CDH18: variants seen among roughly 807,000 people sequenced by gnomAD.
The protein encoded by CDH18 is cadherin-18.
A neutral mutation model predicts 67.9 loss-of-function variants in CDH18; 31 were observed. The observed-to-expected ratio is 0.46, with a 90% CI of 0.34 to 0.62. CDH18 has a LOEUF of 0.62. CDH18 is among the 20% of genes least tolerant of loss of function. The pLI, the probability that CDH18 is intolerant of heterozygous loss-of-function variation, is 0.01. For synonymous variants in CDH18, 362 were observed against 347.2 expected, an observed-to-expected ratio of 1.04 and a Z score of -0.48; for missense variants, 890 against 975.5, an observed-to-expected ratio of 0.91 and a Z score of 1.17.
chr5:19,591,989 T>C (rs1745219276), intron 6 of CDH18, among the ~76,000 whole-genome samples: 1 of 152,120 alleles, frequency 6.6e-6, no homozygotes, highest in East Asian at 1.9e-4. Flanking sequence ...TGATATTTTA[T>C]ATACACAAGT....
intron 2 of CDH18, among the ~76,000 whole-genome samples, chr5:20,061,195 G>A (rs1351231339): frequency 1.1e-4 from 17 of 151,772 alleles, no homozygotes; most frequent in Admixed American, 1.1e-3. Context: ...TCTCAGGTAG[G>A]ATAAAAGTAG....
chr5:20,525,971 T>TTGGGGGAGGGCAGGCTGCGGGCAG (rs1756029119), intron 1 of CDH18, among the ~76,000 whole-genome samples: 5 of 151,294 alleles, frequency 3.3e-5, no homozygotes, highest in African/African-American at 1.2e-4. Flanking sequence ...ACAATGAGAG[T>TTGGGGGAGGGCAGGCTGCGGGCAG]AGCAAAAGAA....
At chr5:20,428,778 C>CT (rs1748520788) in intron 1 of CDH18, among the ~76,000 whole-genome samples, 1 of 152,110 alleles carries the variant, frequency 6.6e-6, no homozygotes, top group Non-Finnish European at 1.5e-5. Context: ...CACAAATAAT[C>CT]TGCGTTATTC....
At chr5:19,982,274 T>C (rs74841647) in intron 1 of CDH18, among the ~76,000 whole-genome samples, 1,841 of 152,098 alleles carry the variant, frequency 0.012, 54 homozygotes, top group African/African-American at 0.042. Flanking sequence ...ACAACCAAAA[T>C]AGATTTTCAT....
intron 5 of CDH18, among the ~76,000 whole-genome samples, chr5:19,689,254 T>C (rs1322594555): frequency 6.6e-6 from 1 of 151,976 alleles, no homozygotes; most frequent in Non-Finnish European, 1.5e-5. Context: ...CAAATACAAA[T>C]AGAAAATTCT....
chr5:19,709,296 G>A (rs868127005), intron 5 of CDH18, among the ~76,000 whole-genome samples: 2 of 152,118 alleles, frequency 1.3e-5, no homozygotes, highest in Admixed American at 1.3e-4. Context: ...GGCCCAGCAC[G>A]GTGGCTCATG....
At chr5:20,463,403 C>T (rs1378942474) in intron 1 of CDH18, among the ~76,000 whole-genome samples, 5 of 151,916 alleles carry the variant, frequency 3.3e-5, no homozygotes, top group Admixed American at 2.0e-4. Context: ...TAGAAATACC[C>T]GAGACTGGGT....
At chr5:20,448,344 A>G (rs955310736) in intron 1 of CDH18, among the ~76,000 whole-genome samples, 1 of 152,002 alleles carries the variant, frequency 6.6e-6, no homozygotes, top group African/African-American at 2.4e-5. Context: ...TTTATCACAC[A>G]TAAGTTTATA....
intron 1 of CDH18, among the ~76,000 whole-genome samples, chr5:20,479,768 T>C (rs1376659993): frequency 1.3e-5 from 2 of 152,088 alleles, no homozygotes; most frequent in African/African-American, 4.8e-5. Context: ...TAGAGAAAGT[T>C]ATCAATATTC....
intron 3 of CDH18, among the ~76,000 whole-genome samples, chr5:19,758,465 C>A (rs760068482): frequency 2.6e-5 from 4 of 152,210 alleles, no homozygotes; most frequent in African/African-American, 9.6e-5. Context: ...CCTCAAGCAC[C>A]GTTGGATCTA....
chr5:20,553,371 A>C lies in CDH18; in HGVS notation c.-580+22091T>G, dbSNP rs192116183. On this transcript the variant is annotated intron_variant, in intron 1 of 14. Transcript: ENST00000507958. The stretch of plus-strand genomic sequence containing the variant: ...GTTAGCATTCTTTAGCATTGTTACC[A>C]AATAGCATTAGCACTCTTCTGTCCT... 2.7e-4 allele frequency among the ~76,000 whole-genome samples: 41 copies of C among 152,278 alleles called. 1 individual carries two copies. Among genetic ancestry groups the C allele is most frequent in the Admixed American group, 2.5e-3 (38 of 15,274 alleles).
At chr5:19,870,779 A>C (rs553557657) in intron 2 of CDH18, among the ~76,000 whole-genome samples, 6 of 152,292 alleles carry the variant, frequency 3.9e-5, no homozygotes, top group Non-Finnish European at 7.4e-5. Flanking sequence ...GATTCAGTGT[A>C]TTCTTACTCT....
At chr5:19,990,194 A>C (rs1799903926), upstream of CDH18, among the ~76,000 whole-genome samples, 1 of 152,224 alleles carries the variant, frequency 6.6e-6, no homozygotes, top group African/African-American at 2.4e-5. Context: ...ATAGAAAAAG[A>C]AACTTTAAGT....
intron 1 of CDH18, among the ~76,000 whole-genome samples, chr5:20,357,603 A>G (rs1741738268): frequency 6.6e-6 from 1 of 152,128 alleles, no homozygotes; most frequent in South Asian, 2.1e-4. Context: ...AAAGCTACAA[A>G]TAGACATCAT....
intron 2 of CDH18, among the ~76,000 whole-genome samples, chr5:19,876,611 G>A (rs1009000329): frequency 6.6e-6 from 1 of 152,114 alleles, no homozygotes; most frequent in Non-Finnish European, 1.5e-5. Context: ...CAGGGGTGAG[G>A]TGGGATTGCC....
intron 4 of CDH18, among the ~76,000 whole-genome samples, chr5:19,741,269 A>ATG (rs1295558419): frequency 6.8e-6 from 1 of 147,436 alleles, no homozygotes. Context: ...ATACATATAT[A>ATG]CATATATACG....
At chr5:20,282,809 G>A (rs542539924) in intron 1 of CDH18, among the ~76,000 whole-genome samples, 2 of 152,070 alleles carry the variant, frequency 1.3e-5, no homozygotes, top group African/African-American at 4.8e-5. Flanking sequence ...AAACACAAAA[G>A]ACCAAAATAG....
intron 4 of CDH18, among the ~76,000 whole-genome samples, chr5:19,736,098 T>C (rs1307664794): frequency 6.6e-6 from 1 of 152,168 alleles, no homozygotes; most frequent in African/African-American, 2.4e-5. Context: ...ATAAAGCACT[T>C]GAAATAATGG....
At chr5:20,042,233 T>C (rs904608486) in intron 2 of CDH18, among the ~76,000 whole-genome samples, 1 of 148,822 alleles carries the variant, frequency 6.7e-6, no homozygotes, top group African/African-American at 2.6e-5. Flanking sequence ...ATTAAGCATA[T>C]TTACATATTT....
Sources: gnomAD v4.1 joint callset for allele counts (sites outside exome capture counted in the v4.1 genomes callset) on GRCh38, gnomAD v4.1.1 for gene constraint, MANE v1.5 for transcripts, NCBI Gene and HGNC (gene_info 2026-07-23, HGNC 2026-07-21) for gene names.